Variants in ZNF804A observed in about 807,000 individuals in gnomAD.
ZNF804A encodes zinc finger protein 804A.
Under a neutral mutation model 16.5 loss-of-function variants are expected in ZNF804A, and 2 were observed. The ratio of observed to expected loss-of-function variants is 0.12; its 90% confidence interval spans 0.05 to 0.38. The LOEUF is 0.38. Ranked by LOEUF, ZNF804A falls within the 10% of genes least tolerant of loss-of-function variation. The pLI is 0.99. For missense variants in ZNF804A, 1,473 were observed against 1,390.7 expected (o/e 1.06, Z -0.94); for synonymous variants, 534 against 489.6 (o/e 1.09, Z -1.20).
chr2:184,643,619 T>A (rs1205619467), intron 1 of ZNF804A, among the ~76,000 whole-genome samples: 1 of 151,886 alleles, frequency 6.6e-6, no homozygotes, highest in Non-Finnish European at 1.5e-5. Flanking sequence ...AACACTTTAT[T>A]GTGGATTCTT....
At chr2:184,690,151 C>T (rs1692705912) in intron 1 of ZNF804A, among the ~76,000 whole-genome samples, 1 of 150,046 alleles carries the variant, frequency 6.7e-6, no homozygotes, top group South Asian at 2.1e-4. Flanking sequence ...TTAGTTTGCC[C>T]TACCGATGAA....
At chr2:184,606,709 C>T (rs1691152223) in intron 1 of ZNF804A, among the ~76,000 whole-genome samples, 1 of 152,118 alleles carries the variant, frequency 6.6e-6, no homozygotes, top group African/African-American at 2.4e-5. Flanking sequence ...AAAAATTCTA[C>T]CTGAAAACTT....
rs569550368 is a variant in ZNF804A, at chr2:184,712,332, T to C, written c.111+113262T>C. ...ATTCCTGGGTTGCAATTTTTTTATTTCATCCTTTTGAATAGATAATCCCAT... is the reference window on the plus strand; with the variant it reads ...ATTCCTGGGTTGCAATTTTTTTATTCCATCCTTTTGAATAGATAATCCCAT... On this transcript the variant is annotated intron_variant, in intron 1 of 3. Coordinates refer to ENST00000302277, the MANE Select transcript of ZNF804A (RefSeq NM_194250.2). Among the ~76,000 whole-genome samples the C allele has an allele frequency of 2.0e-5, 3 of 151,906 alleles. No individual in the cohort carries two copies. In the East Asian group the frequency reaches 5.8e-4, roughly 29 times the overall value.
chr2:184,707,199 C>G (rs778127587), intron 1 of ZNF804A, among the ~76,000 whole-genome samples: 1 of 152,002 alleles, frequency 6.6e-6, no homozygotes. Context: ...TTCTCTGAAA[C>G]CACTCACCTA....
At chr2:184,864,544 A>C (rs1047931274) in intron 1 of ZNF804A, among the ~76,000 whole-genome samples, 2 of 152,222 alleles carry the variant, frequency 1.3e-5, no homozygotes, top group Non-Finnish European at 2.9e-5. Context: ...AAAGTAAGCT[A>C]TGTATTATGG....
chr2:184,800,770 CACTTATGA>C (rs1694712295), intron 1 of ZNF804A, among the ~76,000 whole-genome samples: 1 of 152,032 alleles, frequency 6.6e-6, no homozygotes, highest in African/African-American at 2.4e-5. Context: ...TCACTCCCAT[CACTTATGA>C]TATTTCTAGA....
chr2:184,744,167 T>G (rs1302374093), intron 1 of ZNF804A, among the ~76,000 whole-genome samples: 1 of 151,900 alleles, frequency 6.6e-6, no homozygotes, highest in Non-Finnish European at 1.5e-5. Flanking sequence ...TAAATGCCTT[T>G]ACTTTTCTGC....
intron 1 of ZNF804A, among the ~76,000 whole-genome samples, chr2:184,832,238 T>G (rs956063298): frequency 3.9e-5 from 6 of 151,934 alleles, no homozygotes; most frequent in Non-Finnish European, 8.8e-5. Flanking sequence ...TATCCAAATA[T>G]CTCCTGTTTT....
chr2:184,884,931 C>T (rs1249384097), intron 2 of ZNF804A, among the ~76,000 whole-genome samples: 1 of 152,030 alleles, frequency 6.6e-6, no homozygotes, highest in African/African-American at 2.4e-5. Context: ...TAGAAGAAAA[C>T]ACTTGCAAAC....
At chr2:184,903,091 TAGA>T (rs1254778465) in intron 2 of ZNF804A, among the ~76,000 whole-genome samples, 3 of 152,164 alleles carry the variant, frequency 2.0e-5, no homozygotes, top group African/African-American at 7.2e-5. Context: ...AGTAACACAG[TAGA>T]AGGTTTGTTT....
At chr2:184,638,577 A>G (rs1299455319) in intron 1 of ZNF804A, among the ~76,000 whole-genome samples, 1 of 152,224 alleles carries the variant, frequency 6.6e-6, no homozygotes, top group African/African-American at 2.4e-5. Flanking sequence ...TTTCAATTAC[A>G]TTTACATAAT....
chr2:184,730,549 C>T (rs1693497675), intron 1 of ZNF804A, among the ~76,000 whole-genome samples: 1 of 152,198 alleles, frequency 6.6e-6, no homozygotes, highest in African/African-American at 2.4e-5. Flanking sequence ...CTTTCCCCCA[C>T]ACCTGGCAAC....
intron 1 of ZNF804A, among the ~76,000 whole-genome samples, chr2:184,756,257 T>C (rs959122057): frequency 7.2e-5 from 11 of 151,980 alleles, no homozygotes; most frequent in African/African-American, 2.4e-4. Flanking sequence ...TTTTATTTCA[T>C]GTTTTTAAGA....
chr2:184,800,363 A>T (rs1296918224), intron 1 of ZNF804A, among the ~76,000 whole-genome samples: 2 of 151,036 alleles, frequency 1.3e-5, no homozygotes, highest in African/African-American at 4.9e-5. Context: ...GTTCTTTTTA[A>T]TTACTTTAAT....
intron 2 of ZNF804A, among the ~76,000 whole-genome samples, chr2:184,919,701 G>T (rs1340693098): frequency 1.3e-5 from 2 of 152,140 alleles, no homozygotes; most frequent in Non-Finnish European, 2.9e-5. Context: ...TCATGAACTG[G>T]TATATAATTT....
intron 1 of ZNF804A, among the ~76,000 whole-genome samples, chr2:184,646,470 A>G (rs1691874235): frequency 6.6e-6 from 1 of 152,154 alleles, no homozygotes; most frequent in Non-Finnish European, 1.5e-5. Flanking sequence ...TATTCAGAGC[A>G]TTTGCTCAAC....
intron 1 of ZNF804A, among the ~76,000 whole-genome samples, chr2:184,746,614 C>A (rs1693793710): frequency 6.6e-6 from 1 of 151,352 alleles, no homozygotes; most frequent in Non-Finnish European, 1.5e-5. Flanking sequence ...TGTAATCACT[C>A]TGTTGTGCTA....
intron 1 of ZNF804A, among the ~76,000 whole-genome samples, chr2:184,861,061 C>G (rs973760755): frequency 2.0e-5 from 3 of 152,204 alleles, no homozygotes; most frequent in Non-Finnish European, 2.9e-5. Context: ...AGAATCTAAC[C>G]TGGTGCTAGA....
chr2:184,675,535 AT>A (rs1377769860), intron 1 of ZNF804A, among the ~76,000 whole-genome samples: 3 of 151,840 alleles, frequency 2.0e-5, no homozygotes, highest in Non-Finnish European at 4.4e-5. Flanking sequence ...AGATACCTAG[AT>A]TGTTTTGTTA....
Sources: gnomAD v4.1 joint callset for allele counts (sites outside exome capture counted in the v4.1 genomes callset) on GRCh38, gnomAD v4.1.1 for gene constraint, MANE v1.5 for transcripts, NCBI Gene and HGNC (gene_info 2026-07-23, HGNC 2026-07-21) for gene names.